Variants in FSAF1 observed in about 807,000 individuals in gnomAD.
The protein encoded by FSAF1 is 40S small subunit processome assembly factor 1, also known as uncharacterized protein C1orf131.
the FSAF1 span, chr1:231,240,967 G>A: frequency 6.7e-7 from 1 of 1,492,722 alleles, no homozygotes; most frequent in South Asian, 1.1e-5. This position sits in a 1 kb window ranked among gnomAD's most constrained non-coding sequence, Gnocchi z 4.1. Context: ...GGCAACACAG[G>A]AGACCCACGT....
the FSAF1 span, chr1:231,229,091 TA>T: frequency 9.7e-7 from 1 of 1,033,042 alleles, no homozygotes; most frequent in South Asian, 1.8e-5. Context: ...CATACATTTA[TA>T]AACAAATACT....
At chr1:231,232,936 A>T in the FSAF1 span, among the ~76,000 whole-genome samples, 1 of 152,212 alleles carries the variant, frequency 6.6e-6, no homozygotes, top group Admixed American at 6.5e-5. Flanking sequence ...AGACGGCTGT[A>T]TGAATATTAA....
At chr1:231,223,908 TAAAA>T in the FSAF1 span, 25 of 163,684 alleles carry the variant, frequency 1.5e-4, no homozygotes, top group Admixed American at 3.2e-4. Context: ...ATTAAATCAT[TAAAA>T]ATATAAGGCA....
At chr1:231,229,042 G>A in the FSAF1 span, 1 of 663,988 alleles carries the variant, frequency 1.5e-6, no homozygotes, top group Non-Finnish European at 2.5e-6. Flanking sequence ...TACATAGTTT[G>A]CATGTTATGT....
the FSAF1 span, among the ~76,000 whole-genome samples, chr1:231,232,794 G>C: frequency 1.3e-5 from 2 of 152,116 alleles, no homozygotes; most frequent in Non-Finnish European, 2.9e-5. Context: ...CCGTCTATGG[G>C]GTGATTTAGG....
the FSAF1 span, chr1:231,241,078 G>A: frequency 2.5e-6 from 4 of 1,614,216 alleles, no homozygotes; most frequent in African/African-American, 1.3e-5. Context: ...GAACTGGGAG[G>A]CGTGGAGGAC....
chr1:231,239,101 GC>G, the FSAF1 span: 7 of 1,613,714 alleles, frequency 4.3e-6, no homozygotes, highest in Non-Finnish European at 5.9e-6. Flanking sequence ...TGGCTCTGCT[GC>G]CAAGGCCGCT....
chr1:231,239,191 G>A, the FSAF1 span: 5 of 1,543,660 alleles, frequency 3.2e-6, no homozygotes, highest in Non-Finnish European at 4.4e-6. Context: ...TGTACCTCCT[G>A]TTTGTTCAAA....
chr1:231,239,152 A>G, the FSAF1 span: 1 of 1,597,026 alleles, frequency 6.3e-7, no homozygotes, highest in South Asian at 1.1e-5. Context: ...CCTTTTCTTT[A>G]TGATCTTCTT....
chr1:231,234,600 G>C, the FSAF1 span, among the ~76,000 whole-genome samples: 13 of 152,080 alleles, frequency 8.5e-5, no homozygotes, highest in Non-Finnish European at 1.8e-4. This position sits in a 1 kb window ranked among gnomAD's most constrained non-coding sequence, Gnocchi z 4.0. Context: ...CACCACATAG[G>C]AGCTACAGTG....
At chr1:231,231,980 T>A in the FSAF1 span, among the ~76,000 whole-genome samples, 1 of 152,172 alleles carries the variant, frequency 6.6e-6, no homozygotes, top group African/African-American at 2.4e-5. Flanking sequence ...TTTGTAGCTA[T>A]TGATGGCTTT....
At chr1:231,241,122 G>C in the FSAF1 span, 2 of 1,612,860 alleles carry the variant, frequency 1.2e-6, no homozygotes, top group African/African-American at 1.3e-5. Context: ...TGTGGGGTCA[G>C]CCGAGGAATC....
At chr1:231,224,335 G>T in the FSAF1 span, 1 of 1,613,918 alleles carries the variant, frequency 6.2e-7, no homozygotes, top group Non-Finnish European at 8.5e-7. Context: ...CTCAGAATCA[G>T]TGTTCCATTT....
At chr1:231,236,954 T>A in the FSAF1 span, 1 of 151,890 alleles carries the variant, frequency 6.6e-6, no homozygotes, top group East Asian at 1.9e-4. Context: ...TTATCTAGAA[T>A]CCTAAAATAA....
At chr1:231,226,797 T>C in the FSAF1 span, 36 of 1,610,116 alleles carry the variant, frequency 2.2e-5, no homozygotes, top group Admixed American at 3.3e-5. Context: ...CTGTAAAACC[T>C]TGTAATTCAC....
At chr1:231,230,806 C>A in the FSAF1 span, among the ~76,000 whole-genome samples, 1 of 152,196 alleles carries the variant, frequency 6.6e-6, no homozygotes, top group African/African-American at 2.4e-5. Flanking sequence ...AGGAACTCTG[C>A]ACTTAATTCA....
At chr1:231,224,120 C>T in the FSAF1 span, 713 of 822,890 alleles carry the variant, frequency 8.7e-4, 21 homozygotes, top group East Asian at 0.015. Context: ...GCAGACACTT[C>T]GGCAACTAGA....
the FSAF1 span, among the ~76,000 whole-genome samples, chr1:231,228,065 A>T: frequency 6.6e-6 from 1 of 152,076 alleles, no homozygotes; most frequent in Non-Finnish European, 1.5e-5. Context: ...AAACACACCC[A>T]CTCACACTTA....
At chr1:231,236,661 G>A in the FSAF1 span, 1 of 152,190 alleles carries the variant, frequency 6.6e-6, no homozygotes, top group Admixed American at 6.5e-5. Flanking sequence ...GAATATAAGA[G>A]GAAACTGAAG....
Sources: allele counts gnomAD v4.1 joint callset (sites outside exome capture counted in the v4.1 genomes callset), GRCh38; gene constraint gnomAD v4.1.1; non-coding constraint Gnocchi (gnomAD v3.1); transcripts MANE v1.5; gene names NCBI Gene and HGNC (gene_info 2026-07-23, HGNC 2026-07-21).